The following P4HTM variants were observed in gnomAD, a reference collection of about 807,000 sequenced individuals.
P4HTM encodes transmembrane prolyl 4-hydroxylase.
A neutral mutation model predicts 55.3 loss-of-function variants in P4HTM; 33 were observed. That is an observed-to-expected ratio of 0.60 (90% CI 0.45 to 0.80). P4HTM has a LOEUF of 0.80. Among genes scored for constraint, P4HTM ranks in the 30% least tolerant of loss-of-function variants. The pLI is 0.00. For missense variants in P4HTM, 542 were observed against 696.5 expected, an observed-to-expected ratio of 0.78 and a Z score of 2.50; for synonymous variants, 272 against 286.4, an observed-to-expected ratio of 0.95 and a Z score of 0.51.
intron 6 of P4HTM, chr3:49,005,272 A>G (rs1019359742): frequency 2.1e-6 from 3 of 1,459,754 alleles, no homozygotes; most frequent in Admixed American, 5.0e-5. Context: ...AGACTGATGT[A>G]CCCACAGACA....
At chr3:48,996,494 TG>T (rs2092946130) in intron 2 of P4HTM, 1 of 152,280 alleles carries the variant, frequency 6.6e-6, no homozygotes, top group Admixed American at 6.5e-5. Context: ...TCCGAATAGC[TG>T]GAAATACAGG....
chr3:49,002,532 G>A lies in P4HTM; in HGVS notation c.660G>A (p.Trp220Ter), dbSNP rs1005094380. The A allele has an allele frequency of 1.9e-6, 3 of 1,614,140 alleles. No individual in the cohort carries two copies. The highest frequency in any genetic ancestry group is 2.5e-6 in the Non-Finnish European group (3 of 1,179,994). ...VLAQTRLGNG[W>*]WMTPESIQEM... Reference sequence around the variant, plus strand: ...CCCAGACTCGCCTGGGAAATGGATGGTGGATGACTCCAGAGAGCATTCAGG... The same window carrying A: ...CCCAGACTCGCCTGGGAAATGGATGATGGATGACTCCAGAGAGCATTCAGG... The change falls in exon 4 of 9, where the codon TGG (tryptophan) becomes TGA (stop). Residue 220 changes from tryptophan (W) to a stop codon, truncating the protein, a stop_gained. Coordinates refer to ENST00000383729, the MANE Select transcript of P4HTM (RefSeq NM_177939.3). LOFTEE classifies it high-confidence loss of function. The surrounding 1 kb of genome is among the most constrained non-coding windows in gnomAD (Gnocchi z 4.4).
intron 2 of P4HTM, chr3:49,000,956 A>G: frequency 4.8e-6 from 1 of 207,858 alleles, no homozygotes; most frequent in East Asian, 1.2e-4. Context: ...AGGAAATTGG[A>G]GGGGAAGGCC....
chr3:48,997,614 AGTCCC>A (rs1259819456), intron 2 of P4HTM: 2 of 152,208 alleles, frequency 1.3e-5, no homozygotes, highest in African/African-American at 4.8e-5. Context: ...TTAGTCCATC[AGTCCC>A]CTCCACCTAG....
upstream of P4HTM, chr3:48,990,082 C>T: frequency 4.7e-6 from 2 of 423,328 alleles, no homozygotes; most frequent in South Asian, 1.0e-4. The surrounding 1 kb of genome is among the most constrained non-coding windows in gnomAD (Gnocchi z 7.2). Flanking sequence ...GGGCTCAAGG[C>T]GCAGGAAGGC....
At chr3:49,004,067 G>C in intron 4 of P4HTM, 31 bp from the exon 5 acceptor site, 1 of 1,543,154 alleles carries the variant, frequency 6.5e-7, no homozygotes, top group South Asian at 1.2e-5. Context: ...ATATGGGCTT[G>C]GTGGGCATTG....
Position 48,999,384 on chromosome 3 carries a change from G to C in P4HTM, c.437-2054G>C, listed in dbSNP as rs2092954952. 1 of 161,026 alleles carries C rather than the reference G, an allele frequency of 6.2e-6. No individual in the cohort carries two copies. The highest frequency in any genetic ancestry group is 1.5e-5 in the Non-Finnish European group (1 of 68,140). The allele number at this position is 161,026 out of a possible 1,614,324, so 10.0% of individuals were successfully genotyped here. A position where few individuals can be genotyped will look rare whatever the true frequency, so the allele number is the denominator to read the frequency against. On this transcript the variant is annotated intron_variant, in intron 2 of 8. Coordinates refer to ENST00000383729, the MANE Select transcript of P4HTM (RefSeq NM_177939.3). The surrounding 1 kb of genome is among the most constrained non-coding windows in gnomAD (Gnocchi z 4.8). ...GTGATGTGGTCCAGCAAGTTGGGCA[G>C]ACGCATCTGTGTAGCCAATGTCGTG...
chr3:49,005,845 A>G lies in P4HTM; in HGVS notation c.1142A>G (p.Asp381Gly), dbSNP rs2092977507. ...GGGETVFPVA[D>G]NRTYDEMSLI... ...GGCGAGACTGTTTTCCCTGTAGCAGATAACAGAACCTACGATGAAATGGTA... is the reference window on the plus strand; with the variant it reads ...GGCGAGACTGTTTTCCCTGTAGCAGGTAACAGAACCTACGATGAAATGGTA... The change falls in exon 7 of 9, where the codon GAT becomes GGT. Residue 381 changes from aspartate (D) to glycine (G), a missense_variant. Physicochemically the swap from Asp to Gly is moderately conservative, Grantham distance 94. This residue lies in a region of P4HTM where 536 missense variants were observed against 672.1 expected (regional missense o/e 0.80). Transcript: ENST00000383729. 1 of 1,557,286 alleles carries G rather than the reference A, an allele frequency of 6.4e-7. No individual in the cohort carries two copies. The highest frequency in any genetic ancestry group is 8.7e-7 in the Non-Finnish European group (1 of 1,153,792).
At position 49,004,997 on chromosome 3, in the gene P4HTM, C is replaced by T; in HGVS notation, c.1024C>T (p.His342Tyr). 1 of 1,614,122 alleles carries T rather than the reference C, an allele frequency of 6.2e-7. No homozygotes were observed. Among genetic ancestry groups the T allele is most frequent in the Non-Finnish European group, 8.5e-7 (1 of 1,180,028 alleles). The change falls in exon 6 of 9, where the codon CAT becomes TAT. Residue 342 changes from histidine to tyrosine, a missense_variant. His to Tyr is a moderately conservative substitution (Grantham distance 83, BLOSUM62 2). Coordinates refer to ENST00000383729, the MANE Select transcript of P4HTM (RefSeq NM_177939.3). ...TGTGTACCCAGAGACCATCTGCTCCCATACCAAGCTGGTAGCCAACGAGTC... is the reference window on the plus strand; with the variant it reads ...TGTGTACCCAGAGACCATCTGCTCCTATACCAAGCTGGTAGCCAACGAGTC... ...GPVYPETICS[H>Y]TKLVANESVP...
At chr3:49,003,609 A>C (rs1477099116) in intron 4 of P4HTM, 1 of 154,194 alleles carries the variant, frequency 6.5e-6, no homozygotes, top group Non-Finnish European at 1.4e-5. Context: ...AGTAGGTTCC[A>C]CCCAGGATGA....
chr3:49,006,000 C>A (rs2092978627), intron 7 of P4HTM, 64 bp from the exon 8 acceptor site: 1 of 1,577,454 alleles, frequency 6.3e-7, no homozygotes, highest in South Asian at 1.1e-5. Context: ...CCTTTGGTCA[C>A]CCTTGGCTGG....
intron 2 of P4HTM, among the ~76,000 whole-genome samples, chr3:49,000,693 A>G (rs1276744340): frequency 6.6e-6 from 1 of 152,202 alleles, no homozygotes; most frequent in Admixed American, 6.5e-5. Flanking sequence ...CAAGCCACCT[A>G]CCAGCTGTGC....
At chr3:49,005,133 C>T (rs761449082) in intron 6 of P4HTM, 87 bp downstream of exon 6, 1 of 1,612,230 alleles carries the variant, frequency 6.2e-7, no homozygotes, top group Non-Finnish European at 8.5e-7. Flanking sequence ...GTGGGCGTGC[C>T]CCTTGGCATG....
chr3:49,000,138 G>A (rs34096107), intron 2 of P4HTM, among the ~76,000 whole-genome samples: 33 of 152,320 alleles, frequency 2.2e-4, no homozygotes, highest in Non-Finnish European at 3.1e-4. Context: ...TTGAATTAAT[G>A]GGGCCTGGCC....
At position 48,990,413 on chromosome 3, in the gene P4HTM, C is replaced by G. The variant is rs372623573; in HGVS notation, c.157C>G (p.Arg53Gly). 11 of 1,604,040 alleles carry G rather than the reference C, an allele frequency of 6.9e-6. No homozygotes were observed. The highest frequency in any genetic ancestry group is 9.3e-6 in the Non-Finnish European group (11 of 1,178,452). The change falls in exon 1 of 9, where the codon CGC (arginine) becomes GGC (glycine). Residue 53 changes from arginine (R) to glycine (G), a missense_variant. Arg to Gly is a moderately radical substitution (Grantham distance 125, BLOSUM62 -2). Transcript: ENST00000383729. This position sits in a 1 kb window ranked among gnomAD's most constrained non-coding sequence, Gnocchi z 7.2. The stretch of plus-strand genomic sequence containing the variant: ...ACCGGTGCGTCCGCTGTGCAAGCCC[C>G]GCGGCATCTGCTCGCGCGCCTACTT... ...DAPVRPLCKP[R>G]GICSRAYFLV...
rs201845088 is a variant in P4HTM, at chr3:49,005,035, G to A, written c.1062G>A (p.Glu354=). ...TAGCCAACGAGTCTGTACCCTTCGA[G>A]ACCTCCTGCCGGCAAGTATCTCCCA... is the stretch of plus-strand genomic sequence containing the variant. The part of the protein sequence containing the change: ...KLVANESVPF[E]TSCRYMTVLF... The change falls in exon 6 of 9, where the codon GAG becomes GAA. Residue 354 remains glutamate, a synonymous_variant. Transcript: ENST00000383729. The A allele has an allele frequency of 2.0e-5, 32 of 1,613,938 alleles. No homozygotes were observed. The highest frequency in any genetic ancestry group is 2.5e-5 in the Non-Finnish European group (30 of 1,180,054).
At chr3:48,998,970 C>T (rs566250342) in intron 2 of P4HTM, among the ~76,000 whole-genome samples, 2 of 152,108 alleles carry the variant, frequency 1.3e-5, no homozygotes, top group African/African-American at 2.4e-5. Context: ...GGTTCCAGCC[C>T]GCCTGCCCCC....
intron 2 of P4HTM, among the ~76,000 whole-genome samples, chr3:48,998,504 T>C (rs1405770312): frequency 6.6e-6 from 1 of 152,178 alleles, no homozygotes; most frequent in East Asian, 1.9e-4. Flanking sequence ...CCCCGTAGCC[T>C]GGCTTTCCCA....
chr3:49,000,067 T>G (rs1352334398), intron 2 of P4HTM, among the ~76,000 whole-genome samples: 1 of 152,212 alleles, frequency 6.6e-6, no homozygotes, highest in East Asian at 1.9e-4. Flanking sequence ...CACAGCAGGC[T>G]GGGTGGCCAG....
Sources: gnomAD v4.1 joint callset for allele counts (sites outside exome capture counted in the v4.1 genomes callset) on GRCh38, gnomAD v4.1.1 for gene constraint, gnomAD v4.1.1 regional missense constraint, Gnocchi (gnomAD v3.1) non-coding constraint, MANE v1.5 for transcripts, NCBI Gene and HGNC (gene_info 2026-07-23, HGNC 2026-07-21) for gene names.